Variants in DENND2B observed in about 807,000 individuals in gnomAD.
DENND2B encodes DENN domain containing 2B.
A neutral mutation model predicts 116.0 loss-of-function variants in DENND2B; 32 were observed. The ratio of observed to expected loss-of-function variants is 0.28; its 90% CI spans 0.21 to 0.37. The LOEUF is 0.37. DENND2B is among the 10% of genes least tolerant of loss of function. The pLI is 1.00. For missense variants in DENND2B, 1,276 were observed against 1,477.7 expected, an observed-to-expected ratio of 0.86 and a Z score of 2.24; for synonymous variants, 588 against 583.9, an observed-to-expected ratio of 1.01 and a Z score of -0.10.
chr11:8,827,037 GT>G (rs2062006071), intron 4 of DENND2B, among the ~76,000 whole-genome samples: 1 of 152,256 alleles, frequency 6.6e-6, no homozygotes, highest in Non-Finnish European at 1.5e-5. Context: ...TTGTTTGGAA[GT>G]CTCAGAGTGG....
Position 8,694,077 on chromosome 11 carries a change from C to CT in DENND2B, c.*18dup. 1 of 1,614,086 alleles carries CT rather than the reference C, an allele frequency of 6.2e-7. No individual in the cohort carries two copies. Among genetic ancestry groups the CT allele is most frequent in the Non-Finnish European group, 8.5e-7 (1 of 1,179,996 alleles). ...TTCAGGCTCTGCAAGGCACTGGACT[C>CT]TGCTACTGAGAAGGAGGCTTAATTC... On this transcript the variant is annotated 3_prime_UTR_variant, in exon 20 of 20. Coordinates refer to ENST00000313726, the MANE Select transcript of DENND2B (RefSeq NM_213618.2).
Position 8,701,349 on chromosome 11 carries a change from G to A in DENND2B, c.2720+1223C>T, listed in dbSNP as rs934679297. Among the ~76,000 whole-genome samples the A allele has an allele frequency of 4.2e-4, 25 of 59,948 alleles. 2 individuals carry two copies. Among genetic ancestry groups the A allele is most frequent in the Non-Finnish European group, 7.0e-4 (18 of 25,724 alleles). The allele number at this position is 59,948 out of a possible 152,430, so 39.3% of individuals were successfully genotyped here. On this transcript the variant is annotated intron_variant, in intron 14 of 19. Coordinates refer to ENST00000313726, the MANE Select transcript of DENND2B (RefSeq NM_213618.2). ...AGGATGGGAAGGCCAGCTTCCGGGG[G>A]GGGGGGGGGGAGGGGCTACATGAAT...
intron 1 of DENND2B, among the ~76,000 whole-genome samples, chr11:8,777,341 C>T (rs2057853908): frequency 6.6e-6 from 1 of 152,162 alleles, no homozygotes; most frequent in South Asian, 2.1e-4. Context: ...TAATTCATTT[C>T]CCCCTGCCCA....
intron 2 of DENND2B, among the ~76,000 whole-genome samples, chr11:8,738,841 T>A (rs1265045373): frequency 6.6e-6 from 1 of 152,200 alleles, no homozygotes; most frequent in Non-Finnish European, 1.5e-5. Context: ...TTTTCCCTCC[T>A]TATCAATCCT....
chr11:8,718,244 T>TCC, intron 4 of DENND2B: 1 of 1,028,356 alleles, frequency 9.7e-7, no homozygotes, highest in South Asian at 1.4e-5. Context: ...TTTCCTTGGC[T>TCC]CCCTTCCCTC....
chr11:8,726,588 CCCAGGCGACGTCTCACT>C (rs1288144755), intron 3 of DENND2B, among the ~76,000 whole-genome samples: 2 of 152,208 alleles, frequency 1.3e-5, no homozygotes, highest in African/African-American at 4.8e-5. Context: ...GCATGATTCT[CCCAGGCGACGTCTCACT>C]CCAGGGCCTG....
At chr11:8,717,501 G>C (rs532429284) in intron 5 of DENND2B, among the ~76,000 whole-genome samples, 1 of 152,194 alleles carries the variant, frequency 6.6e-6, no homozygotes, top group Non-Finnish European at 1.5e-5. Context: ...CTCAGAGCAG[G>C]TGCCAATTGT....
chr11:8,827,582 G>T (rs1056104852), intron 4 of DENND2B, among the ~76,000 whole-genome samples: 2 of 152,210 alleles, frequency 1.3e-5, no homozygotes, highest in Admixed American at 6.5e-5. Flanking sequence ...CTCTCTCTGC[G>T]TGCTCCCAAG....
upstream of DENND2B, among the ~76,000 whole-genome samples, chr11:8,872,031 A>G (rs1350191200): frequency 1.3e-5 from 2 of 152,256 alleles, no homozygotes; most frequent in African/African-American, 4.8e-5. Context: ...TTTCAGTTTT[A>G]CATTGACTTT....
intron 5 of DENND2B, among the ~76,000 whole-genome samples, chr11:8,717,519 G>T (rs551302448): frequency 2.1e-4 from 32 of 152,308 alleles, no homozygotes; most frequent in African/African-American, 7.7e-4. Context: ...TGTCCACAGA[G>T]GTTTCAACAT....
At position 8,866,654 on chromosome 11, in the gene DENND2B, C is replaced by G. The variant is rs139577929; in HGVS notation, c.-250+4300G>C. Among the ~76,000 whole-genome samples the G allele has an allele frequency of 3.3e-3, 495 of 152,292 alleles. 5 individuals are homozygous for G. The highest frequency in any genetic ancestry group is 0.011 in the African/African-American group (474 of 41,564). ...AGGGTGTGACCACCTCTATCTGGCC[C>G]TAAGGGATTACCCTGATCTAGAAGA... On this transcript the variant is annotated intron_variant, in intron 2 of 6. Coordinates refer to the DENND2B transcript ENST00000524757.
At chr11:8,771,470 GAATA>G (rs886239482) in intron 1 of DENND2B, among the ~76,000 whole-genome samples, 2 of 144,802 alleles carry the variant, frequency 1.4e-5, no homozygotes, top group African/African-American at 5.2e-5. Context: ...ATAAAATAAT[GAATA>G]TATATAGATA....
intron 1 of DENND2B, among the ~76,000 whole-genome samples, chr11:8,754,027 G>GCACACACACACACACACACA: frequency 1.7e-4 from 2 of 11,584 alleles, no homozygotes; most frequent in African/African-American, 2.8e-4. Flanking sequence ...CACCAAAAGC[G>GCACACACACACACACACACA]CGCACACACA....
intron 1 of DENND2B, among the ~76,000 whole-genome samples, chr11:8,773,299 G>A (rs1156541413): frequency 6.6e-6 from 1 of 152,000 alleles, no homozygotes; most frequent in Non-Finnish European, 1.5e-5. Flanking sequence ...CCACAGCAGC[G>A]ACCACCATGA....
chr11:8,864,337 G>A (rs939160925), intron 2 of DENND2B, among the ~76,000 whole-genome samples: 58 of 152,044 alleles, frequency 3.8e-4, no homozygotes, highest in Non-Finnish European at 5.9e-5. Flanking sequence ...ACACAATCTC[G>A]GCTCCCTACA....
chr11:8,881,695 G>A (rs2063905452), intron 1 of DENND2B, among the ~76,000 whole-genome samples: 1 of 152,030 alleles, frequency 6.6e-6, no homozygotes, highest in Non-Finnish European at 1.5e-5. Flanking sequence ...TGCCATCACA[G>A]TTGGCTGGCT....
intron 1 of DENND2B, among the ~76,000 whole-genome samples, chr11:8,775,257 G>A (rs1053216536): frequency 4.6e-5 from 7 of 152,124 alleles, no homozygotes; most frequent in African/African-American, 1.2e-4. Context: ...CTCTGATGTC[G>A]TGTTATCTCC....
chr11:8,844,537 T>G (rs767315716), intron 3 of DENND2B, among the ~76,000 whole-genome samples: 63 of 152,192 alleles, frequency 4.1e-4, no homozygotes, highest in Non-Finnish European at 7.8e-4. Flanking sequence ...AACATACATT[T>G]TATACTATGC....
At chr11:8,695,608 G>T in intron 18 of DENND2B, 59 bp from the exon 19 acceptor site, 1 of 1,490,254 alleles carries the variant, frequency 6.7e-7, no homozygotes, top group Non-Finnish European at 9.3e-7. Flanking sequence ...GGAAGGAGAG[G>T]CCTACATGAA....
Sources: gnomAD v4.1 joint callset for allele counts (sites outside exome capture counted in the v4.1 genomes callset) on GRCh38, gnomAD v4.1.1 for gene constraint, MANE v1.5 for transcripts, NCBI Gene and HGNC (gene_info 2026-07-23, HGNC 2026-07-21) for gene names.